TSEN15: variants seen among roughly 807,000 people sequenced by gnomAD.
TSEN15 encodes the protein tRNA-splicing endonuclease subunit Sen15.
Under a neutral mutation model 20.5 loss-of-function variants are expected in TSEN15, and 10 were observed. The observed-to-expected ratio is 0.49, with a 90% CI of 0.30 to 0.83. TSEN15 has a LOEUF of 0.83. Ranked by LOEUF, TSEN15 falls within the 40% of genes least tolerant of loss-of-function variation. The probability of loss-of-function intolerance (pLI) is 0.06; values close to 1 mark genes in which losing one functional copy is unlikely to be tolerated. For missense variants in TSEN15, 180 were observed against 218.6 expected (o/e 0.82, Z 1.11); for synonymous variants, 72 against 80.1 (o/e 0.90, Z 0.54).
chr1:184,079,417 A>C (rs1214016371), intron 3 of TSEN15, among the ~76,000 whole-genome samples: 2 of 152,218 alleles, frequency 1.3e-5, no homozygotes, highest in Non-Finnish European at 2.9e-5. Flanking sequence ...CATAAACAAC[A>C]GAAATTTATC....
chr1:184,074,498 C>T (rs1007830212), downstream of TSEN15, among the ~76,000 whole-genome samples: 2 of 152,166 alleles, frequency 1.3e-5, no homozygotes, highest in Non-Finnish European at 1.5e-5. Context: ...CAGGAGGCCA[C>T]CCTCAGCTCT....
chr1:184,055,036 C>A, intron 3 of TSEN15, 173 bp downstream of exon 3: 2 of 667,824 alleles, frequency 3.0e-6, no homozygotes, highest in South Asian at 2.8e-5. Flanking sequence ...TCTTGCATTG[C>A]TATAAAGAAA....
chr1:184,072,270 C>G lies in TSEN15; in HGVS notation c.467C>G (p.Thr156Ser). Residue 156 changes from threonine to serine, a missense_variant, in exon 4 of 5, where the codon ACT becomes AGT. Physicochemically the swap from Thr to Ser is moderately conservative, Grantham distance 58. Transcript: ENST00000645668. ...TCTACAATAGTCTATTATAAACTTA[C>G]TGATGGATTTATGCTGCCAGACCCT... ...SDSTIVYYKL[T>S]DGFMLPDPQN... 1 of 1,611,450 alleles carries G rather than the reference C, an allele frequency of 6.2e-7. No homozygotes were observed. The highest frequency in any genetic ancestry group is 8.5e-7 in the Non-Finnish European group (1 of 1,178,830).
At chr1:184,086,721 AC>A (rs1487858735) in intron 3 of TSEN15, among the ~76,000 whole-genome samples, 1 of 152,114 alleles carries the variant, frequency 6.6e-6, no homozygotes, top group African/African-American at 2.4e-5. Flanking sequence ...AGAGCGAATG[AC>A]CAGAGTGAGA....
intron 3 of TSEN15, among the ~76,000 whole-genome samples, chr1:184,056,554 A>G (rs1207957995): frequency 6.6e-6 from 1 of 152,088 alleles, no homozygotes; most frequent in Non-Finnish European, 1.5e-5. Context: ...AATCATATTT[A>G]TCCATCTTTT....
chr1:184,055,677 CTT>C (rs913576077), intron 3 of TSEN15, among the ~76,000 whole-genome samples: 2 of 151,850 alleles, frequency 1.3e-5, no homozygotes, highest in African/African-American at 2.4e-5. Context: ...AAAAAAGAGA[CTT>C]TTTTTAGGAC....
Position 184,054,855 on chromosome 1 carries a change from C to G in TSEN15, c.345C>G (p.Ser115Arg). ...VVPTPITASL[S>R]HNRIREILKA... ...CTACCCCCATCACTGCTTCCCTCAG[C>G]CATAACAGGTGAGCAGGTGATTTTG... Residue 115 changes from serine (S) to arginine (R), a missense_variant, in exon 3 of 5, where the codon AGC (serine) becomes AGG (arginine). Physicochemically the swap from Ser to Arg is moderately radical, Grantham distance 110 (BLOSUM62 -1). Coordinates refer to ENST00000645668, the MANE Select transcript of TSEN15 (RefSeq NM_052965.4). The G allele has an allele frequency of 6.2e-7, 1 of 1,610,294 alleles. No individual in the cohort carries two copies.
intron 3 of TSEN15, among the ~76,000 whole-genome samples, chr1:184,086,657 A>C (rs1476100236): frequency 6.6e-6 from 1 of 152,072 alleles, no homozygotes; most frequent in East Asian, 1.9e-4. Flanking sequence ...TGCCATGTGG[A>C]TCTCTCTACA....
At chr1:184,071,679 C>T (rs1395306257) in intron 3 of TSEN15, among the ~76,000 whole-genome samples, 1 of 151,326 alleles carries the variant, frequency 6.6e-6, no homozygotes, top group Non-Finnish European at 1.5e-5. Flanking sequence ...TAGAAAATAC[C>T]TATTTAATAG....
Position 184,072,236 on chromosome 1 carries a change from G to A in TSEN15, c.433G>A (p.Glu145Lys), listed in dbSNP as rs1650910490. 1 of 1,613,396 alleles carries A rather than the reference G, an allele frequency of 6.2e-7. No individual in the cohort carries two copies. Among genetic ancestry groups the A allele is most frequent in the Non-Finnish European group, 8.5e-7 (1 of 1,179,690 alleles). Reference sequence around the variant, plus strand: ...GATGTCTTTTACTTTGGCCATAGTGGAGTCTGATTCTACAATAGTCTATTA... The same window carrying A: ...GATGTCTTTTACTTTGGCCATAGTGAAGTCTGATTCTACAATAGTCTATTA... ...LPMSFTLAIV[E>K]SDSTIVYYKL... Residue 145 changes from glutamate to lysine, a missense_variant, in exon 4 of 5, where the codon GAG becomes AAG. Transcript: ENST00000645668.
At position 184,079,520 on chromosome 1, in the gene TSEN15, C is replaced by T. The variant is rs149404831; in HGVS notation, c.354-16170C>T. Among the ~76,000 whole-genome samples, 46 of 152,186 alleles carry T rather than the reference C, an allele frequency of 3.0e-4. 2 individuals carry two copies. In the East Asian group the frequency reaches 6.6e-3, roughly 22 times the overall value. On this transcript the variant is annotated intron_variant, in intron 3 of 3. Transcript: ENST00000643231. ...TGGCTTTCAGATGGCAGCCTTCTGG[C>T]TGTGTCCTCACATGGCCTTTCCTCT...
intron 3 of TSEN15, among the ~76,000 whole-genome samples, chr1:184,061,684 A>G (rs537462416): frequency 3.3e-5 from 5 of 152,250 alleles, no homozygotes; most frequent in African/African-American, 1.2e-4. Flanking sequence ...TATGGTGTAT[A>G]TGTATTTTCT....
downstream of TSEN15, among the ~76,000 whole-genome samples, chr1:184,074,623 C>T (rs1651022436): frequency 6.6e-6 from 1 of 152,132 alleles, no homozygotes; most frequent in Non-Finnish European, 1.5e-5. Flanking sequence ...CATCCCATCA[C>T]CTTTGCCGTA....
rs1303783654 is a variant in TSEN15, at chr1:184,054,513, TTAACA to T, written c.217+82_217+86del. 7 of 1,250,302 alleles carry T rather than the reference TTAACA, an allele frequency of 5.6e-6. No individual in the cohort carries two copies. The African/African-American group carries it at 6.0e-5, about 11-fold the overall frequency. 77.5% of individuals were successfully genotyped at this position (1,250,302 alleles called of 1,614,324 possible). A position where few individuals can be genotyped will look rare whatever the true frequency, so the allele number is the denominator to read the frequency against. ...GGGGTTGGATTGGGATATAGCATTC[TTAACA>T]TAATAAGCAATCTTTTATGCATTTG... On this transcript the variant is annotated intron_variant, in intron 2 of 4. Coordinates refer to ENST00000645668, the MANE Select transcript of TSEN15 (RefSeq NM_052965.4).
chr1:184,089,664 G>A (rs1429264339), intron 3 of TSEN15, among the ~76,000 whole-genome samples: 1 of 151,956 alleles, frequency 6.6e-6, no homozygotes, highest in East Asian at 1.9e-4. Flanking sequence ...AATCATTCAT[G>A]AGGGTACTAG....
rs1361164679 is a variant in TSEN15 at position 184,051,755 on chromosome 1, C to G, written c.-1C>G. ...ACCACGGGAGCGCCGCACCGGCCGG[C>G]ATGGAGGAGCGCGGCGATTCCGAGC... is the stretch of plus-strand genomic sequence containing the variant. On this transcript the variant is annotated 5_prime_UTR_variant, in exon 1 of 5. Transcript: ENST00000645668. 4 of 1,480,788 alleles carry G rather than the reference C, an allele frequency of 2.7e-6. No individual in the cohort carries two copies. The South Asian group carries it at 3.9e-5, about 14-fold the overall frequency. 91.7% of individuals were successfully genotyped at this position (1,480,788 alleles called of 1,614,324 possible).
intron 3 of TSEN15, among the ~76,000 whole-genome samples, chr1:184,080,588 G>T (rs1259822478): frequency 6.6e-6 from 1 of 152,164 alleles, no homozygotes; most frequent in Non-Finnish European, 1.5e-5. Context: ...AAAATGTCAA[G>T]CTGTTTGTGG....
chr1:184,065,247 G>A (rs1199321090), intron 3 of TSEN15, among the ~76,000 whole-genome samples: 1 of 152,016 alleles, frequency 6.6e-6, no homozygotes, highest in African/African-American at 2.4e-5. Context: ...AAAAAATTGA[G>A]CAGATAGTAC....
At chr1:184,088,662 C>CATGTTTAATACATGTTTAAT (rs368115469) in intron 3 of TSEN15, among the ~76,000 whole-genome samples, 1 of 150,962 alleles carries the variant, frequency 6.6e-6, no homozygotes, top group Non-Finnish European at 1.5e-5. Context: ...TATATGAGTA[C>CATGTTTAATACATGTTTAAT]ACATGTCATG....
Sources: gnomAD v4.1 joint callset for allele counts (sites outside exome capture counted in the v4.1 genomes callset) on GRCh38, gnomAD v4.1.1 for gene constraint, MANE v1.5 for transcripts, NCBI Gene and HGNC (gene_info 2026-07-23, HGNC 2026-07-21) for gene names.